Variants in TET3 observed in about 807,000 individuals in gnomAD.
TET3 encodes methylcytosine dioxygenase TET3.
TET3 carries 19 observed loss-of-function variants against 141.4 expected under a neutral mutation model. The ratio of observed to expected loss-of-function variants is 0.13; its 90% CI spans 0.09 to 0.20. The LOEUF is 0.20. Among genes scored for constraint, TET3 ranks in the 10% least tolerant of loss-of-function variants. The pLI is 1.00. For synonymous variants in TET3, 1,043 were observed against 980.9 expected, an observed-to-expected ratio of 1.06 and a Z score of -1.18; for missense variants, 1,874 against 2,356.9, an observed-to-expected ratio of 0.80 and a Z score of 4.24.
chr2:74,031,918 G>A (rs1686716374), intron 3 of TET3, among the ~76,000 whole-genome samples: 1 of 152,170 alleles, frequency 6.6e-6, no homozygotes, highest in Admixed American at 6.5e-5. Context: ...GGGAGGCCAT[G>A]GGCATCCACT....
chr2:74,067,353 C>T (rs1240209412), intron 4 of TET3, among the ~76,000 whole-genome samples: 2 of 152,124 alleles, frequency 1.3e-5, no homozygotes, highest in Admixed American at 6.5e-5. Context: ...GTAATTTGCC[C>T]ACAGTCACAT....
intron 2 of TET3, among the ~76,000 whole-genome samples, chr2:73,987,852 C>T (rs1353106891): frequency 1.3e-5 from 2 of 152,334 alleles, no homozygotes; most frequent in Middle Eastern, 6.8e-3. Flanking sequence ...GTTGGGCTGG[C>T]AGCCCGTGCT....
At chr2:74,037,773 G>T (rs915887287) in intron 3 of TET3, among the ~76,000 whole-genome samples, 4 of 152,180 alleles carry the variant, frequency 2.6e-5, no homozygotes, top group Non-Finnish European at 4.4e-5. Context: ...GCCTTAAGAA[G>T]GTATAGCCAA....
At chr2:74,085,159 A>G (rs963049369) in intron 6 of TET3, among the ~76,000 whole-genome samples, 1 of 152,184 alleles carries the variant, frequency 6.6e-6, no homozygotes, top group African/African-American at 2.4e-5. Flanking sequence ...GCAAAAAAAA[A>G]AAAAAGAAAA....
Position 74,089,897 on chromosome 2 carries a change from C to A in TET3, c.2889C>A (p.Asp963Glu). 6.2e-7 allele frequency: 1 copy of A among 1,613,984 alleles called. No homozygotes were observed. The highest frequency in any genetic ancestry group is 1.3e-5 in the African/African-American group (1 of 75,066). Residue 963 changes from aspartate to glutamate, a missense_variant and splice_region_variant, in exon 8 of 12, where the codon GAC (aspartate) becomes GAA (glutamate). Coordinates refer to ENST00000409262, the MANE Select transcript of TET3 (RefSeq NM_001287491.2). ...PTSRRCGLND[D>E]RTCACQGKDP... ...CCCTGACCTGTGCTGTGTGTTGCAG[C>A]CGGACCTGCGCTTGCCAAGGCAAAG... is the stretch of plus-strand genomic sequence containing the variant.
chr2:74,134,765 A>G, the TET3 span: 1 of 456,674 alleles, frequency 2.2e-6, no homozygotes, highest in South Asian at 1.5e-5. Flanking sequence ...CACACTGCAG[A>G]CCCAGACACC....
the TET3 span, among the ~76,000 whole-genome samples, chr2:74,116,058 G>A: frequency 1.4e-5 from 2 of 147,854 alleles, no homozygotes; most frequent in Admixed American, 6.8e-5. Flanking sequence ...GGAATAATCC[G>A]AACAGACATT....
At position 74,046,740 on chromosome 2, in the gene TET3, G is replaced by A. The variant is rs1687644609; in HGVS notation, c.823G>A (p.Asp275Asn). The change falls in exon 4 of 12, where the codon GAT (aspartate) becomes AAT (asparagine). Residue 275 changes from aspartate to asparagine, a missense_variant. Physicochemically the swap from Asp to Asn is conservative, Grantham distance 23. Around this residue, in one of 10 missense-constraint regions of TET3, gnomAD observed 366 missense variants for 487.0 expected, o/e 0.75. Coordinates refer to ENST00000409262, the MANE Select transcript of TET3 (RefSeq NM_001287491.2). This position sits in a 1 kb window ranked among gnomAD's most constrained non-coding sequence, Gnocchi z 4.3. ...TATGAAACCACCCAACTGCAACTGCGATGGCCCAGAATGCCCTGACTACCT... is the reference window on the plus strand; with the variant it reads ...TATGAAACCACCCAACTGCAACTGCAATGGCCCAGAATGCCCTGACTACCT... ...HGMKPPNCNCDGPECPDYLEW... is the reference protein window; with the variant it reads ...HGMKPPNCNCNGPECPDYLEW... The A allele has an allele frequency of 3.7e-6, 6 of 1,613,746 alleles. No individual in the cohort carries two copies. The highest frequency in any genetic ancestry group is 3.4e-6 in the Non-Finnish European group (4 of 1,179,894).
In TET3 at chr2:74,099,455, C is replaced by A. The variant is rs757555666; in HGVS notation, c.3447C>A (p.Val1149=). ...IQVLTAFPRE[V]RRLPEPAKSC... is the part of the protein sequence containing the mutation. ...TGCTCACCGCCTTCCCCCGCGAGGT[C>A]CGACGCCTGCCCGAGCCTGCCAAGT... The change falls in exon 11 of 12, where the codon GTC becomes GTA. Residue 1149 remains valine, a synonymous_variant. Transcript: ENST00000409262. The A allele has an allele frequency of 4.3e-6, 7 of 1,613,802 alleles. No homozygotes were observed. The South Asian group carries it at 6.6e-5, about 15-fold the overall frequency.
intron 10 of TET3, among the ~76,000 whole-genome samples, chr2:74,094,491 A>G (rs1690691465): frequency 6.6e-6 from 1 of 152,206 alleles, no homozygotes; most frequent in African/African-American, 2.4e-5. Flanking sequence ...TCAGCTGGGC[A>G]GCAGTAAGTT....
chr2:74,087,553 A>G lies in TET3; in HGVS notation c.2680-277A>G, dbSNP rs562318252. ...TACTCCTAAGCCTATGTAAGTCATC[A>G]GCAACTTAGATTTTGTGGTAATTAT... On this transcript the variant is annotated intron_variant, in intron 6 of 11. Coordinates refer to ENST00000409262, the MANE Select transcript of TET3 (RefSeq NM_001287491.2). This position sits in a 1 kb window ranked among gnomAD's most constrained non-coding sequence, Gnocchi z 4.3. 6.6e-6 allele frequency among the ~76,000 whole-genome samples: 1 copy of G among 152,354 alleles called. No homozygotes were observed. The highest frequency in any genetic ancestry group is 2.4e-5 in the African/African-American group (1 of 41,584).
At chr2:74,038,631 C>G (rs1002911138) in intron 3 of TET3, among the ~76,000 whole-genome samples, 1 of 152,176 alleles carries the variant, frequency 6.6e-6, no homozygotes, top group Non-Finnish European at 1.5e-5. Flanking sequence ...CTGCCTAGAG[C>G]TTCCATGGGT....
intron 3 of TET3, among the ~76,000 whole-genome samples, chr2:74,027,258 A>G (rs1372982002): frequency 1.3e-5 from 2 of 151,864 alleles, no homozygotes; most frequent in Non-Finnish European, 1.5e-5. Flanking sequence ...ATGGAGATGC[A>G]GATGAAGGAT....
chr2:74,114,684 C>G, the TET3 span, among the ~76,000 whole-genome samples: 2 of 151,352 alleles, frequency 1.3e-5, no homozygotes, highest in Non-Finnish European at 2.9e-5. Context: ...AAACCCCCGT[C>G]TCTACTGAAA....
At chr2:74,099,734 G>A in intron 11 of TET3, 122 bp downstream of exon 11, 1 of 1,074,208 alleles carries the variant, frequency 9.3e-7, no homozygotes, top group South Asian at 1.7e-5. Flanking sequence ...TTGTCAGTCA[G>A]AAGGGTATCT....
chr2:74,096,271 G>C lies in TET3; in HGVS notation c.3267+2605G>C, dbSNP rs114402094. Among the ~76,000 whole-genome samples, 686 of 152,344 alleles carry C rather than the reference G, an allele frequency of 4.5e-3. 3 individuals are homozygous for C. Among genetic ancestry groups the C allele is most frequent in the African/African-American group, 0.015 (630 of 41,582 alleles). On this transcript the variant is annotated intron_variant, in intron 10 of 11. Transcript: ENST00000409262. ...AGTACACAGGAGGCTGGTCAGAGCA[G>C]AGGAAGTCGTAGACCCACACATAGT...
chr2:73,998,375 G>A (rs1684697570), intron 2 of TET3: 1 of 152,310 alleles, frequency 6.6e-6, no homozygotes, highest in Non-Finnish European at 1.5e-5. Flanking sequence ...GGTATAGGCA[G>A]AGTGTCACCT....
At chr2:74,035,350 G>A (rs1365066623) in intron 3 of TET3, among the ~76,000 whole-genome samples, 1 of 147,616 alleles carries the variant, frequency 6.8e-6, no homozygotes, top group Non-Finnish European at 1.5e-5. Flanking sequence ...TGTAATCCCA[G>A]CTACTCGGGA....
intron 3 of TET3, among the ~76,000 whole-genome samples, chr2:74,041,400 C>T (rs144379750): frequency 4.9e-4 from 75 of 152,254 alleles, no homozygotes; most frequent in African/African-American, 1.6e-3. Flanking sequence ...CCAGAGGGTG[C>T]GGCCCCACAG....
Sources: gnomAD v4.1 joint callset for allele counts (sites outside exome capture counted in the v4.1 genomes callset) on GRCh38, gnomAD v4.1.1 for gene constraint, gnomAD v4.1.1 regional missense constraint, Gnocchi (gnomAD v3.1) non-coding constraint, MANE v1.5 for transcripts, NCBI Gene and HGNC (gene_info 2026-07-23, HGNC 2026-07-21) for gene names.